EML5: variants seen among roughly 807,000 people sequenced by gnomAD.
EML5 encodes the protein EMAP like 5, also known as echinoderm microtubule-associated protein-like 5.
In EML5, 120 loss-of-function variants were observed where a neutral mutation model predicts 250.0. The ratio of observed to expected loss-of-function variants is 0.48; its 90% CI spans 0.41 to 0.56. The LOEUF is 0.56. EML5 is among the 20% of genes least tolerant of loss of function. The pLI, the probability that EML5 is intolerant of heterozygous loss-of-function variation, is 0.00. For missense variants in EML5, 2,006 were observed against 2,437.6 expected (o/e 0.82, Z 3.73); for synonymous variants, 771 against 806.5 (o/e 0.96, Z 0.75).
intron 8 of EML5, among the ~76,000 whole-genome samples, chr14:88,719,500 C>A (rs963952963): frequency 3.9e-5 from 6 of 152,216 alleles, no homozygotes; most frequent in Admixed American, 6.5e-5. Flanking sequence ...GCTTATCAAG[C>A]TCTTCCACTA....
rs561152163 is a variant in EML5, at chr14:88,785,895, T to C, written c.197+6412A>G. Among the ~76,000 whole-genome samples, 24 of 152,296 alleles carry C rather than the reference T, an allele frequency of 1.6e-4. No individual in the cohort carries two copies. In the South Asian group the frequency reaches 5.0e-3, roughly 32 times the overall value. On this transcript the variant is annotated intron_variant, in intron 1 of 43. Transcript: ENST00000554922. ...ACCGTAAGTCAAATTATGTCACTATTTTGATTAAATAGTTCCAATAACTTC... is the reference window on the plus strand; with the variant it reads ...ACCGTAAGTCAAATTATGTCACTATCTTGATTAAATAGTTCCAATAACTTC...
At chr14:88,745,427 TA>T (rs771807508) in intron 3 of EML5, among the ~76,000 whole-genome samples, 57 of 152,258 alleles carry the variant, frequency 3.7e-4, no homozygotes, top group Non-Finnish European at 7.5e-4. Flanking sequence ...AATAGTATAA[TA>T]TTTAATTAAA....
At chr14:88,788,537 A>T (rs752578437) in intron 1 of EML5, among the ~76,000 whole-genome samples, 26 of 127,552 alleles carry the variant, frequency 2.0e-4, no homozygotes, top group Non-Finnish European at 3.3e-4. Flanking sequence ...TCACTATGTT[A>T]AAAAAAAAAA....
Position 88,620,520 on chromosome 14 carries a change from T to C in EML5, c.5375+234A>G. On this transcript the variant is annotated intron_variant, in intron 39 of 43. Coordinates refer to ENST00000554922, the MANE Select transcript of EML5 (RefSeq NM_183387.3). This position sits in a 1 kb window ranked among gnomAD's most constrained non-coding sequence, Gnocchi z 4.3. Reference sequence around the variant, plus strand: ...GGACATGGCTAAGTGTTAACATGAATTCATCAAACATTACCTACTAGTACT... The same window carrying C: ...GGACATGGCTAAGTGTTAACATGAACTCATCAAACATTACCTACTAGTACT... 1 of 364,554 alleles carries C rather than the reference T, an allele frequency of 2.7e-6. No individual in the cohort carries two copies. The highest frequency in any genetic ancestry group is 4.9e-6 in the Non-Finnish European group (1 of 205,962). 22.6% of individuals were successfully genotyped at this position (364,554 alleles called of 1,614,324 possible).
intron 1 of EML5, among the ~76,000 whole-genome samples, chr14:88,762,863 A>G (rs1356853321): frequency 6.6e-6 from 1 of 152,174 alleles, no homozygotes; most frequent in Non-Finnish European, 1.5e-5. Context: ...AAATTCACTC[A>G]AAAACCATAC....
At chr14:88,778,380 A>T (rs2094466468) in intron 1 of EML5, among the ~76,000 whole-genome samples, 1 of 152,224 alleles carries the variant, frequency 6.6e-6, no homozygotes. Flanking sequence ...TTCAATTTTG[A>T]GTGTACGACT....
At chr14:88,787,336 C>T (rs775982022) in intron 1 of EML5, among the ~76,000 whole-genome samples, 3 of 152,152 alleles carry the variant, frequency 2.0e-5, no homozygotes, top group Non-Finnish European at 4.4e-5. Flanking sequence ...GGGATTCTTG[C>T]ACAAAACAGA....
rs118183199 is a variant in EML5, at chr14:88,711,982, A to G, written c.1657+289T>C. 3.4e-3 allele frequency among the ~76,000 whole-genome samples: 514 copies of G among 152,066 alleles called. 1 individual carries two copies. The highest frequency in any genetic ancestry group is 4.7e-3 in the Non-Finnish European group (320 of 67,964). On this transcript the variant is annotated intron_variant, in intron 10 of 43. Coordinates refer to ENST00000554922, the MANE Select transcript of EML5 (RefSeq NM_183387.3). ...AATACAACCATCATTGTACAGTCTG[A>G]CTCTATGAAAGAATTCACGAAGTGA...
intron 33 of EML5, among the ~76,000 whole-genome samples, chr14:88,629,427 T>C (rs1228115020): frequency 6.6e-6 from 1 of 152,192 alleles, no homozygotes. Flanking sequence ...GGTAATGGAA[T>C]TGTCACACAC....
At chr14:88,621,477 A>G (rs895087795) in intron 37 of EML5, 176 bp from the exon 38 acceptor site, 2 of 641,000 alleles carry the variant, frequency 3.1e-6, no homozygotes, top group South Asian at 1.9e-5. Context: ...GCACACATCT[A>G]TCTGTAAGCA....
rs1035284379 is a variant in EML5, at chr14:88,712,123, T to A, written c.1657+148A>T. 5 of 620,360 alleles carry A rather than the reference T, an allele frequency of 8.1e-6. No homozygotes were observed. In the African/African-American group the frequency reaches 9.2e-5, roughly 11 times the overall value. The allele number at this position is 620,360 out of a possible 1,614,324, so 38.4% of individuals were successfully genotyped here. ...CCAAAATAAATGCAGCATATGACAA[T>A]AATTTTTGAATTAGAAAAATGAAAC... On this transcript the variant is annotated intron_variant, in intron 10 of 43. Coordinates refer to ENST00000554922, the MANE Select transcript of EML5 (RefSeq NM_183387.3).
At chr14:88,699,050 T>C (rs2093147024) in intron 14 of EML5, among the ~76,000 whole-genome samples, 1 of 152,146 alleles carries the variant, frequency 6.6e-6, no homozygotes, top group South Asian at 2.1e-4. Flanking sequence ...AGACAGTATT[T>C]AGTATAATAT....
rs770576628 is a variant in EML5, at chr14:88,663,038, C to G, written c.3491G>C (p.Ser1164Thr). 1.9e-6 allele frequency: 3 copies of G among 1,551,222 alleles called. No homozygotes were observed. Among genetic ancestry groups the G allele is most frequent in the Non-Finnish European group, 2.6e-6 (3 of 1,146,660 alleles). Reference protein sequence around the residue: ...APRGKKQTIPSVEVEKIAWAS... With the variant: ...APRGKKQTIPTVEVEKIAWAS... The stretch of plus-strand genomic sequence containing the variant: ...GCACCACTGTTGTCCTACCTCCACG[C>G]TGGGGATGGTTTGTTTTTTCCCTCT... Residue 1164 changes from serine to threonine, a missense_variant, in exon 24 of 44, where the codon AGC becomes ACC. Ser to Thr is a moderately conservative substitution (Grantham distance 58, BLOSUM62 1). Around this residue, in one of 7 missense-constraint regions of EML5, gnomAD observed 1,375 missense variants for 1,590.3 expected, o/e 0.86. Transcript: ENST00000554922.
At chr14:88,748,116 G>A (rs2140317211) in intron 2 of EML5, among the ~76,000 whole-genome samples, 1 of 152,216 alleles carries the variant, frequency 6.6e-6, no homozygotes, top group South Asian at 2.1e-4. Flanking sequence ...GACAAACAGA[G>A]CCTGGAGTTC....
At chr14:88,636,854 C>G (rs2140537972) in intron 32 of EML5, among the ~76,000 whole-genome samples, 1 of 152,204 alleles carries the variant, frequency 6.6e-6, no homozygotes, top group South Asian at 2.1e-4. Context: ...CTAAGCTTCC[C>G]AGGGAAACGT....
intron 1 of EML5, among the ~76,000 whole-genome samples, chr14:88,766,360 A>C (rs2094319992): frequency 6.6e-6 from 1 of 152,172 alleles, no homozygotes; most frequent in South Asian, 2.1e-4. Context: ...CTCAGCAAGG[A>C]ACATCCCTGA....
intron 27 of EML5, 40 bp from the exon 28 acceptor site, chr14:88,649,966 T>C (rs1379563185): frequency 1.1e-5 from 16 of 1,421,536 alleles, no homozygotes; most frequent in Non-Finnish European, 1.5e-5. Flanking sequence ...GGAAAACATA[T>C]AAAAATTGAT....
chr14:88,710,795 G>C (rs899252515), intron 10 of EML5, among the ~76,000 whole-genome samples: 1 of 152,152 alleles, frequency 6.6e-6, no homozygotes, highest in Non-Finnish European at 1.5e-5. Context: ...TTATGTCCTT[G>C]AAGGAGTGAA....
Position 88,642,971 on chromosome 14 carries a change from T to G in EML5, c.4159A>C (p.Asn1387His), listed in dbSNP as rs747913479. 3.1e-6 allele frequency: 5 copies of G among 1,606,056 alleles called. No individual in the cohort carries two copies. The South Asian group carries it at 5.6e-5, about 18-fold the overall frequency. ...FGYRGRDCRN[N>H]VHYLNDGDDI... Reference sequence around the variant, plus strand: ...TCACCATCATTTAAATAGTGAACATTATTCCTACAGTCTCTGCCTCGATAA... The same window carrying G: ...TCACCATCATTTAAATAGTGAACATGATTCCTACAGTCTCTGCCTCGATAA... Residue 1387 changes from asparagine (N) to histidine (H), a missense_variant, in exon 31 of 44, where the codon AAT (asparagine) becomes CAT (histidine). This residue lies in a region of EML5 where 1,375 missense variants were observed against 1,590.3 expected (regional missense o/e 0.86). Coordinates refer to ENST00000554922, the MANE Select transcript of EML5 (RefSeq NM_183387.3).
Sources: gnomAD v4.1 joint callset for allele counts (sites outside exome capture counted in the v4.1 genomes callset) on GRCh38, gnomAD v4.1.1 for gene constraint, gnomAD v4.1.1 regional missense constraint, Gnocchi (gnomAD v3.1) non-coding constraint, MANE v1.5 for transcripts, NCBI Gene and HGNC (gene_info 2026-07-23, HGNC 2026-07-21) for gene names.